The following ABCA6 variants were observed in gnomAD, a reference collection of about 807,000 sequenced individuals.
ABCA6 encodes ATP binding cassette subfamily A member 6, also known as ATP-binding cassette sub-family A member 6.
Under a neutral mutation model 191.2 loss-of-function variants are expected in ABCA6, and 164 were observed. The ratio of observed to expected loss-of-function variants is 0.86; its 90% CI spans 0.76 to 0.98. The LOEUF (loss-of-function observed/expected upper bound fraction) is 0.98. ABCA6 is among the 50% of genes least tolerant of loss of function. The pLI is 0.00. For synonymous variants in ABCA6, 636 were observed against 647.7 expected (o/e 0.98, Z 0.27); for missense variants, 1,958 against 1,894.1 (o/e 1.03, Z -0.63).
chr17:69,133,736 G>A lies in ABCA6; in HGVS notation c.696C>T (p.Ser232=). 4 of 1,611,140 alleles carry A rather than the reference G, an allele frequency of 2.5e-6. No homozygotes were observed. The highest frequency in any genetic ancestry group is 3.4e-6 in the Non-Finnish European group (4 of 1,177,996). The change falls in exon 6 of 39, where the codon TCC becomes TCT. Residue 232 remains serine, a synonymous_variant. Transcript: ENST00000284425. ...MFILFFLLHF[S]PLVYFISLNV... ...TGAGTGATATAAAATATACAAGTGG[G>A]GAGAAATGAAGCAAGAAGAATAAAA... is the stretch of plus-strand genomic sequence containing the variant.
rs755716336 is a variant in ABCA6, at chr17:69,085,188, A to T, written c.4030-6T>A. ...CTGCAGCCTTTCAGTTCCACCTAAA[A>T]AAATAAAAGAGCTTTAGAAAGGCAT... On this transcript the variant is annotated splice_region_variant and splice_polypyrimidine_tract_variant and intron_variant, in intron 31 of 38. Transcript: ENST00000284425. 3.7e-6 allele frequency: 6 copies of T among 1,601,864 alleles called. No individual in the cohort carries two copies. The African/African-American group carries it at 8.1e-5, about 22-fold the overall frequency.
intron 18 of ABCA6, 45 bp downstream of exon 18, chr17:69,107,651 A>T: frequency 2.4e-6 from 3 of 1,245,440 alleles, no homozygotes; most frequent in Non-Finnish European, 3.5e-6. Context: ...TTGACACATG[A>T]TCATTTGGGA....
chr17:69,089,595 T>A, intron 26 of ABCA6, 53 bp from the exon 27 acceptor site: 1 of 1,388,530 alleles, frequency 7.2e-7, no homozygotes, highest in Non-Finnish European at 1.0e-6. Context: ...ATCTGCTTTA[T>A]GATTTGCACT....
At chr17:69,081,036 A>C in intron 37 of ABCA6, 30 bp downstream of exon 37, 1 of 1,384,762 alleles carries the variant, frequency 7.2e-7, no homozygotes, top group South Asian at 1.4e-5. Context: ...TGATTCTTCA[A>C]AAGATTTATT....
intron 11 of ABCA6, 191 bp from the exon 12 acceptor site, chr17:69,115,677 T>G: frequency 2.4e-6 from 1 of 415,844 alleles, no homozygotes; most frequent in South Asian, 6.3e-5. Context: ...CTATAATAAT[T>G]AAAATAATAT....
At chr17:69,138,390 T>G (rs1224318641) in intron 2 of ABCA6, among the ~76,000 whole-genome samples, 2 of 152,158 alleles carry the variant, frequency 1.3e-5, no homozygotes, top group African/African-American at 4.8e-5. Flanking sequence ...TCACGTCCCT[T>G]GTAAGTTGGA....
chr17:69,112,384 G>T, intron 15 of ABCA6, 111 bp from the exon 16 acceptor site: 1 of 737,288 alleles, frequency 1.4e-6, no homozygotes. Context: ...GTATTCAACA[G>T]GGTATAACTA....
chr17:69,108,041 C>CAGGA (rs2073343104), intron 17 of ABCA6: 1 of 446,778 alleles, frequency 2.2e-6, no homozygotes, highest in Non-Finnish European at 4.0e-6. Context: ...CTTCCATTCT[C>CAGGA]AGTTTATGAG....
At chr17:69,100,757 C>T (rs773450946) in intron 22 of ABCA6, 40 bp downstream of exon 22, 1 of 1,531,868 alleles carries the variant, frequency 6.5e-7, no homozygotes, top group South Asian at 1.3e-5. Flanking sequence ...GCTATTTGTC[C>T]AATTCTTAAT....
chr17:69,133,309 G>A (rs904670089), intron 6 of ABCA6, among the ~76,000 whole-genome samples: 12 of 152,164 alleles, frequency 7.9e-5, no homozygotes, highest in African/African-American at 2.9e-4. Context: ...GGGCACCTGG[G>A]TTAGAGTCTC....
intron 12 of ABCA6, 83 bp from the exon 13 acceptor site, chr17:69,115,020 A>G: frequency 9.4e-7 from 1 of 1,064,376 alleles, no homozygotes. Flanking sequence ...AAATATTGGC[A>G]TATGTTCACA....
chr17:69,105,979 C>T (rs2073292854), intron 19 of ABCA6, 49 bp downstream of exon 19: 7 of 1,517,600 alleles, frequency 4.6e-6, no homozygotes, highest in Non-Finnish European at 2.7e-6. Context: ...TGGTTTGAAC[C>T]TCTTTTGAAA....
intron 5 of ABCA6, among the ~76,000 whole-genome samples, chr17:69,134,285 G>GGGGT (rs1237090967): frequency 6.6e-6 from 1 of 152,096 alleles, no homozygotes; most frequent in African/African-American, 2.4e-5. Context: ...GAGAGCCTTT[G>GGGGT]GGGTAGTGGT....
At position 69,117,907 on chromosome 17, in the gene ABCA6, C is replaced by T; in HGVS notation, c.1486G>A (p.Ala496Thr). The change falls in exon 11 of 39, where the codon GCA becomes ACA. Residue 496 changes from alanine to threonine, a missense_variant. Coordinates refer to ENST00000284425, the MANE Select transcript of ABCA6 (RefSeq NM_080284.3). ...EYKGKSGKVE[A>T]LKGLLFDIYE... ...CAATGTTTTTCTTTACCTTTCAATG[C>T]TTCCACTTTTCCAGATTTTCCTTTA... 2.5e-6 allele frequency: 4 copies of T among 1,572,404 alleles called. No individual in the cohort carries two copies. The highest frequency in any genetic ancestry group is 3.5e-6 in the Non-Finnish European group (4 of 1,148,410).
Position 69,096,297 on chromosome 17 carries a change from T to C in ABCA6, c.3351A>G (p.Ser1117=). The C allele has an allele frequency of 1.3e-6, 2 of 1,533,454 alleles. No individual in the cohort carries two copies. Among genetic ancestry groups the C allele is most frequent in the Non-Finnish European group, 1.8e-6 (2 of 1,141,714 alleles). 95.0% of individuals were successfully genotyped at this position (1,533,454 alleles called of 1,614,324 possible). A position where few individuals can be genotyped will look rare whatever the true frequency, so the allele number is the denominator to read the frequency against. The change falls in exon 25 of 39, where the codon TCA becomes TCG. Residue 1117 remains serine (S), a synonymous_variant. Coordinates refer to ENST00000284425, the MANE Select transcript of ABCA6 (RefSeq NM_080284.3). ...ASLVFFIYMI[S]FIFRKRRKNS... Reference sequence around the variant, plus strand: ...TTTTTCTCCTTTTGCGAAAAATAAATGATATCATATATATGAAGAAGACAA... The same window carrying C: ...TTTTTCTCCTTTTGCGAAAAATAAACGATATCATATATATGAAGAAGACAA...
chr17:69,102,926 T>C lies in ABCA6; in HGVS notation c.2783A>G (p.Asn928Ser). The change falls in exon 21 of 39, where the codon AAT becomes AGT. Residue 928 changes from asparagine (N) to serine (S), a missense_variant. Physicochemically the swap from Asn to Ser is conservative, Grantham distance 46. Transcript: ENST00000284425. The part of the protein sequence containing the change: ...EDFIKSLKHQ[N>S]ILLEVDDFEN... Reference sequence around the variant, plus strand: ...AAAGTCATCTACTTCCAAAAGTATATTTTGATGCTTCAGTGATTTTATAAA... The same window carrying C: ...AAAGTCATCTACTTCCAAAAGTATACTTTGATGCTTCAGTGATTTTATAAA... 6.4e-7 allele frequency: 1 copy of C among 1,569,694 alleles called. No homozygotes were observed. Among genetic ancestry groups the C allele is most frequent in the Non-Finnish European group, 8.7e-7 (1 of 1,147,608 alleles).
Position 69,096,726 on chromosome 17 carries a change from C to T in ABCA6, c.3196G>A (p.Val1066Ile), listed in dbSNP as rs766759180. The T allele has an allele frequency of 2.6e-5, 42 of 1,589,360 alleles. No homozygotes were observed. The highest frequency in any genetic ancestry group is 4.6e-5 in the South Asian group (4 of 86,172). ...AYWCGQALVD[V>I]SFFILILLLM... ...AGGAGAATTAAAATGAAGAAGCTGACGTCCACTAGTGCCTGCCCACACCAG... is the reference window on the plus strand; with the variant it reads ...AGGAGAATTAAAATGAAGAAGCTGATGTCCACTAGTGCCTGCCCACACCAG... Residue 1066 changes from valine to isoleucine, a missense_variant, in exon 24 of 39, where the codon GTC (valine) becomes ATC (isoleucine). Physicochemically the swap from Val to Ile is conservative, Grantham distance 29. Coordinates refer to ENST00000284425, the MANE Select transcript of ABCA6 (RefSeq NM_080284.3).
At chr17:69,083,454 T>C in intron 34 of ABCA6, 123 bp from the exon 35 acceptor site, 1 of 925,146 alleles carries the variant, frequency 1.1e-6, no homozygotes, top group Non-Finnish European at 1.5e-6. Context: ...ATGTAAGTAC[T>C]GACTAGGTTT....
intron 22 of ABCA6, chr17:69,098,229 C>G: frequency 2.2e-6 from 1 of 450,534 alleles, no homozygotes; most frequent in Non-Finnish European, 3.9e-6. Context: ...CATTTAGGAC[C>G]TACTTCTGGG....
Sources: allele counts gnomAD v4.1 joint callset (sites outside exome capture counted in the v4.1 genomes callset), GRCh38; gene constraint gnomAD v4.1.1; transcripts MANE v1.5; gene names NCBI Gene and HGNC (gene_info 2026-07-23, HGNC 2026-07-21).